The following HS3ST3A1 variants were observed in gnomAD, a reference collection of about 807,000 sequenced individuals.
The protein encoded by HS3ST3A1 is heparan sulfate-glucosamine 3-sulfotransferase 3A1.
A neutral mutation model predicts 25.7 loss-of-function variants in HS3ST3A1; 19 were observed. The ratio of observed to expected loss-of-function variants is 0.74; its 90% CI spans 0.52 to 1.08. The LOEUF is 1.08. Ranked by LOEUF, HS3ST3A1 falls within the 50% of genes least tolerant of loss-of-function variation. The pLI is 0.00. For synonymous variants in HS3ST3A1, 226 were observed against 278.6 expected (o/e 0.81, Z 1.88); for missense variants, 459 against 594.3 (o/e 0.77, Z 2.37).
chr17:13,578,945 A>T (rs986146375), intron 1 of HS3ST3A1, among the ~76,000 whole-genome samples: 17 of 152,222 alleles, frequency 1.1e-4, no homozygotes, highest in African/African-American at 4.1e-4. Flanking sequence ...TATGCAAGCA[A>T]CATGCAGCTA....
chr17:13,533,842 A>G (rs1906687097), intron 1 of HS3ST3A1, among the ~76,000 whole-genome samples: 1 of 152,184 alleles, frequency 6.6e-6, no homozygotes, highest in African/African-American at 2.4e-5. Context: ...ATCAGAAGAG[A>G]AAGAACTTAA....
At chr17:13,554,713 T>G (rs1246591158) in intron 1 of HS3ST3A1, among the ~76,000 whole-genome samples, 1 of 152,202 alleles carries the variant, frequency 6.6e-6, no homozygotes, top group Non-Finnish European at 1.5e-5. Flanking sequence ...AGGTTTTGTC[T>G]TTCAAGCACG....
chr17:13,516,888 G>A (rs1278006900), intron 1 of HS3ST3A1, among the ~76,000 whole-genome samples: 3 of 151,908 alleles, frequency 2.0e-5, no homozygotes, highest in African/African-American at 7.3e-5. Context: ...GGGTTTCACC[G>A]TGTTAGCCAG....
chr17:13,576,751 A>ATTT (rs907962034), intron 1 of HS3ST3A1, among the ~76,000 whole-genome samples: 38 of 152,242 alleles, frequency 2.5e-4, no homozygotes, highest in African/African-American at 8.4e-4. Context: ...ATCAAGGGAC[A>ATTT]TTCTAAAAAT....
At chr17:13,508,864 T>C (rs1301616894) in intron 1 of HS3ST3A1, among the ~76,000 whole-genome samples, 1 of 152,206 alleles carries the variant, frequency 6.6e-6, no homozygotes, top group Non-Finnish European at 1.5e-5. Context: ...TAGGAATATG[T>C]TGTACTTCCC....
At chr17:13,534,908 C>A (rs1002788133) in intron 1 of HS3ST3A1, among the ~76,000 whole-genome samples, 9 of 152,102 alleles carry the variant, frequency 5.9e-5, no homozygotes, top group African/African-American at 2.2e-4. Context: ...TGCCTGTAAT[C>A]CCAGCTACTA....
At chr17:13,541,726 A>G (rs889620223) in intron 1 of HS3ST3A1, among the ~76,000 whole-genome samples, 2 of 152,176 alleles carry the variant, frequency 1.3e-5, no homozygotes, top group African/African-American at 4.8e-5. Context: ...GAACATCGTG[A>G]CCAGATGGTC....
At chr17:13,574,223 T>C (rs1308098211) in intron 1 of HS3ST3A1, among the ~76,000 whole-genome samples, 1 of 143,862 alleles carries the variant, frequency 7.0e-6, no homozygotes, top group African/African-American at 2.6e-5. Flanking sequence ...AACCTCCACC[T>C]CCCGGGTTCA....
intron 1 of HS3ST3A1, among the ~76,000 whole-genome samples, chr17:13,599,025 G>T (rs1908652734): frequency 6.7e-6 from 1 of 150,154 alleles, no homozygotes; most frequent in Non-Finnish European, 1.5e-5. Flanking sequence ...GAGTTTTAGG[G>T]GTCTTTAATC....
In HS3ST3A1 at chr17:13,559,912, G is replaced by A. The variant is rs551552686; in HGVS notation, c.599+40619C>T. ...GTTTGGTTTTGGTTTTTTTGCAAAAGGCCCATCTTGTTTTCTTAACAATTC... is the reference window on the plus strand; with the variant it reads ...GTTTGGTTTTGGTTTTTTTGCAAAAAGCCCATCTTGTTTTCTTAACAATTC... On this transcript the variant is annotated intron_variant, in intron 1 of 1. Transcript: ENST00000284110. Among the ~76,000 whole-genome samples, 72 of 151,502 alleles carry A rather than the reference G, an allele frequency of 4.8e-4. No homozygotes were observed. In the South Asian group the frequency reaches 0.011, roughly 22 times the overall value.
At chr17:13,522,652 G>T (rs1240968898) in intron 1 of HS3ST3A1, among the ~76,000 whole-genome samples, 1 of 152,152 alleles carries the variant, frequency 6.6e-6, no homozygotes, top group Non-Finnish European at 1.5e-5. Context: ...TTTACAGACA[G>T]ATGACACAGG....
intron 1 of HS3ST3A1, among the ~76,000 whole-genome samples, chr17:13,588,376 T>C (rs1011326245): frequency 6.6e-6 from 1 of 152,174 alleles, no homozygotes; most frequent in African/African-American, 2.4e-5. Flanking sequence ...GCCATGGGCA[T>C]ATAGGGTTAA....
At position 13,601,873 on chromosome 17, in the gene HS3ST3A1, G is replaced by T. The variant is rs1364663066; in HGVS notation, c.-744C>A. 1 of 152,636 alleles carries T rather than the reference G, an allele frequency of 6.6e-6. No homozygotes were observed. The highest frequency in any genetic ancestry group is 1.9e-4 in the East Asian group (1 of 5,154). The allele number at this position is 152,636 out of a possible 1,614,324, so 9.5% of individuals were successfully genotyped here. A position where few individuals can be genotyped will look rare whatever the true frequency, so the allele number is the denominator to read the frequency against. ...GCTGGGCTGCGCGGGACCTGTCAGC[G>T]GCCCCCGCCACTCTGCTCGCAGGCG... On this transcript the variant is annotated 5_prime_UTR_variant, in exon 1 of 2. Transcript: ENST00000284110.
At chr17:13,565,210 A>G (rs1907647455) in intron 1 of HS3ST3A1, among the ~76,000 whole-genome samples, 1 of 152,106 alleles carries the variant, frequency 6.6e-6, no homozygotes, top group African/African-American at 2.4e-5. Context: ...ACCTCAAATT[A>G]CTATTGCAAT....
intron 1 of HS3ST3A1, among the ~76,000 whole-genome samples, chr17:13,498,640 A>T (rs2142289411): frequency 6.6e-6 from 1 of 152,358 alleles, no homozygotes. Flanking sequence ...TGCAGAGGCC[A>T]AGAAGAATCT....
chr17:13,504,482 C>T (rs897984803), intron 1 of HS3ST3A1, among the ~76,000 whole-genome samples: 8 of 152,086 alleles, frequency 5.3e-5, no homozygotes, highest in African/African-American at 1.2e-4. Flanking sequence ...TTAGGGGGAT[C>T]GGTGTCTAGA....
At chr17:13,559,362 G>A (rs1187166785) in intron 1 of HS3ST3A1, among the ~76,000 whole-genome samples, 2 of 151,960 alleles carry the variant, frequency 1.3e-5, no homozygotes, top group African/African-American at 2.4e-5. Context: ...ACATTTATGT[G>A]TCCAAACTCT....
chr17:13,588,261 C>T (rs185472134), intron 1 of HS3ST3A1, among the ~76,000 whole-genome samples: 1 of 151,720 alleles, frequency 6.6e-6, no homozygotes, highest in East Asian at 1.9e-4. Flanking sequence ...AGTATCTGGC[C>T]CTTTCCAGAA....
chr17:13,534,547 CAAAAAAAAAAAAAAAAAAAA>C (rs34383911), intron 1 of HS3ST3A1, among the ~76,000 whole-genome samples: 15 of 32,828 alleles, frequency 4.6e-4, no homozygotes, highest in East Asian at 1.4e-3. Context: ...CTACAAAATC[CAAAAAAAAAAAAAAAAAAAA>C]AAAAAAAAAA....
Sources: gnomAD v4.1 joint callset for allele counts (sites outside exome capture counted in the v4.1 genomes callset) on GRCh38, gnomAD v4.1.1 for gene constraint, MANE v1.5 for transcripts, NCBI Gene and HGNC (gene_info 2026-07-23, HGNC 2026-07-21) for gene names.